SORBS2: variants seen among roughly 807,000 people sequenced by gnomAD.
SORBS2 encodes sorbin and SH3 domain-containing protein 2.
Under a neutral mutation model 97.7 loss-of-function variants are expected in SORBS2, and 46 were observed. The ratio of observed to expected loss-of-function variants is 0.47; its 90% CI spans 0.37 to 0.60. The LOEUF (loss-of-function observed/expected upper bound fraction) is 0.60, where lower values mean the gene tolerates loss of function less well. SORBS2 is among the 20% of genes least tolerant of loss of function. SORBS2 has a pLI of 0.00. For synonymous variants in SORBS2, 476 were observed against 473.4 expected, an observed-to-expected ratio of 1.01 and a Z score of -0.07; for missense variants, 1,316 against 1,282.3, an observed-to-expected ratio of 1.03 and a Z score of -0.40.
At chr4:185,860,338 A>C (rs1486566102) in intron 1 of SORBS2, among the ~76,000 whole-genome samples, 3 of 152,222 alleles carry the variant, frequency 2.0e-5, no homozygotes, top group Non-Finnish European at 4.4e-5. Context: ...TTAATAGTTG[A>C]CAATTTCGAT....
At chr4:185,933,552 T>A (rs1579563723) in intron 1 of SORBS2, among the ~76,000 whole-genome samples, 1 of 152,166 alleles carries the variant, frequency 6.6e-6, no homozygotes, top group African/African-American at 2.4e-5. Context: ...TTCCCCTTGC[T>A]GGCCGTCTTT....
intron 1 of SORBS2, among the ~76,000 whole-genome samples, chr4:185,819,864 G>A (rs1029775943): frequency 6.6e-6 from 1 of 152,096 alleles, no homozygotes; most frequent in Admixed American, 6.6e-5. Context: ...CATTCACTGT[G>A]GAACAAATAA....
intron 1 of SORBS2, among the ~76,000 whole-genome samples, chr4:185,846,841 A>T (rs1021210104): frequency 3.9e-5 from 6 of 152,208 alleles, no homozygotes; most frequent in African/African-American, 1.4e-4. Context: ...TGGAGTTATG[A>T]TTCAGAATCT....
At chr4:185,731,691 C>T (rs190417406) in intron 2 of SORBS2, among the ~76,000 whole-genome samples, 6 of 73,258 alleles carry the variant, frequency 8.2e-5, no homozygotes, top group African/African-American at 3.0e-4. Flanking sequence ...TGCCTCTCTC[C>T]CTCCCTCCCT....
chr4:185,621,633 G>A (rs1463469870), intron 7 of SORBS2, among the ~76,000 whole-genome samples: 6 of 151,970 alleles, frequency 3.9e-5, no homozygotes, highest in South Asian at 2.1e-4. Flanking sequence ...AAAGATAAAC[G>A]TAAGTGTATA....
chr4:185,587,972 TGAG>T, intron 14 of SORBS2: 1 of 337,062 alleles, frequency 3.0e-6, no homozygotes, highest in South Asian at 3.7e-5. Flanking sequence ...TCAGCCCTGC[TGAG>T]GAGGGGGGCG....
At chr4:185,922,573 G>A (rs1455411000) in intron 1 of SORBS2, among the ~76,000 whole-genome samples, 1 of 152,164 alleles carries the variant, frequency 6.6e-6, no homozygotes, top group Non-Finnish European at 1.5e-5. Context: ...TTTATTGAGA[G>A]TGATATGACA....
intron 12 of SORBS2, among the ~76,000 whole-genome samples, chr4:185,603,737 A>T (rs1019691930): frequency 6.6e-6 from 1 of 152,238 alleles, no homozygotes; most frequent in African/African-American, 2.4e-5. Context: ...TGTGGTTGTC[A>T]TTAAATCTCT....
At chr4:185,673,043 A>T (rs2097737070) in intron 4 of SORBS2, among the ~76,000 whole-genome samples, 1 of 152,250 alleles carries the variant, frequency 6.6e-6, no homozygotes, top group African/African-American at 2.4e-5. Context: ...GCCTTAAAAA[A>T]GATGGATGTC....
chr4:185,838,223 G>A (rs1387600103), intron 1 of SORBS2, among the ~76,000 whole-genome samples: 10 of 152,226 alleles, frequency 6.6e-5, no homozygotes, highest in Admixed American at 2.6e-4. Flanking sequence ...TTAGCTTCCT[G>A]CCCAGCTTCC....
chr4:185,795,743 A>G (rs988987440), intron 1 of SORBS2, among the ~76,000 whole-genome samples: 2 of 152,148 alleles, frequency 1.3e-5, no homozygotes, highest in African/African-American at 4.8e-5. Flanking sequence ...TGCTCAATAT[A>G]TTTCTATTGG....
exon 7 of SORBS2, chr4:185,624,377 T>C (rs768067417): frequency 1.2e-6 from 2 of 1,614,094 alleles, no homozygotes; most frequent in South Asian, 1.1e-5. Context: ...TCTTGGTGAG[T>C]CCCGAGGGAC....
intron 9 of SORBS2, 36 bp from the exon 22 acceptor site, chr4:185,615,195 GTA>G: frequency 1.6e-6 from 2 of 1,222,196 alleles, no homozygotes; most frequent in Non-Finnish European, 2.4e-6. Flanking sequence ...TTTTTGTGAT[GTA>G]CAGCAATAAT....
chr4:185,790,218 T>C (rs1478722371), intron 1 of SORBS2, among the ~76,000 whole-genome samples: 2 of 152,200 alleles, frequency 1.3e-5, no homozygotes, highest in Non-Finnish European at 2.9e-5. Flanking sequence ...ATTGTTAAAC[T>C]ACACTTATCT....
chr4:185,880,725 G>A (rs553724906), intron 1 of SORBS2, among the ~76,000 whole-genome samples: 10 of 152,120 alleles, frequency 6.6e-5, no homozygotes, highest in African/African-American at 9.7e-5. Context: ...TTCCTCTCCT[G>A]CCAGGCTTTC....
chr4:185,622,395 TAAAC>T (rs2096732839), intron 7 of SORBS2, among the ~76,000 whole-genome samples: 1 of 152,252 alleles, frequency 6.6e-6, no homozygotes, highest in Non-Finnish European at 1.5e-5. Flanking sequence ...AGAAAGCTAT[TAAAC>T]AAACCCTAAT....
At chr4:185,917,635 C>T (rs2099258896) in intron 1 of SORBS2, among the ~76,000 whole-genome samples, 1 of 152,170 alleles carries the variant, frequency 6.6e-6, no homozygotes, top group Non-Finnish European at 1.5e-5. Context: ...CAGCTATAGC[C>T]AGCCGGTCAG....
chr4:185,860,301 T>C (rs750664910), intron 1 of SORBS2, among the ~76,000 whole-genome samples: 3 of 152,194 alleles, frequency 2.0e-5, no homozygotes, highest in Non-Finnish European at 4.4e-5. Flanking sequence ...CAGAGGATGA[T>C]GGTAAATAAA....
intron 4 of SORBS2, among the ~76,000 whole-genome samples, chr4:185,671,170 C>T (rs1440235080): frequency 6.6e-6 from 1 of 152,074 alleles, no homozygotes; most frequent in African/African-American, 2.4e-5. Flanking sequence ...TTATTTTAAC[C>T]ATATACTCCC....
Sources: allele counts gnomAD v4.1 joint callset (sites outside exome capture counted in the v4.1 genomes callset), GRCh38; gene constraint gnomAD v4.1.1; transcripts MANE v1.5; gene names NCBI Gene and HGNC (gene_info 2026-07-23, HGNC 2026-07-21).